The following PLAGL1 variants were observed in gnomAD, a reference collection of about 807,000 sequenced individuals.
The protein encoded by PLAGL1 is zinc finger protein PLAGL1.
PLAGL1 carries 1 observed loss-of-function variant against 4.6 expected under a neutral mutation model. The observed-to-expected ratio is 0.22, with a 90% CI of 0.08 to 1.03. The LOEUF (loss-of-function observed/expected upper bound fraction) is 1.03. Ranked by LOEUF, PLAGL1 falls within the 50% of genes least tolerant of loss-of-function variation. The pLI, the probability that PLAGL1 is intolerant of heterozygous loss-of-function variation, is 0.58. For missense variants in PLAGL1, 464 were observed against 570.4 expected, an observed-to-expected ratio of 0.81 and a Z score of 1.90; for synonymous variants, 240 against 237.8, an observed-to-expected ratio of 1.01 and a Z score of -0.08.
intron 1 of PLAGL1, among the ~76,000 whole-genome samples, chr6:144,057,853 T>A (rs1315091355): frequency 6.6e-6 from 1 of 151,436 alleles, no homozygotes; most frequent in Non-Finnish European, 1.5e-5. Context: ...CATGGACTCA[T>A]GCAAATTAAT....
rs1029684012 is a variant in PLAGL1 at position 144,000,807 on chromosome 6, A to C, written c.-584+7283T>G. Among the ~76,000 whole-genome samples the C allele has an allele frequency of 6.6e-6, 1 of 152,162 alleles. No individual in the cohort carries two copies. Among genetic ancestry groups the C allele is most frequent in the African/African-American group, 2.4e-5 (1 of 41,446 alleles). ...TGGAGAGCTAGACATTCTAAAACAAACCTTTTAATACTTGCAAAGTTCTAA... is the reference window on the plus strand; with the variant it reads ...TGGAGAGCTAGACATTCTAAAACAACCCTTTTAATACTTGCAAAGTTCTAA... On this transcript the variant is annotated intron_variant, in intron 1 of 7. Coordinates refer to ENST00000674357, the MANE Select transcript of PLAGL1 (RefSeq NM_001317162.2). This position sits in a 1 kb window ranked among gnomAD's most constrained non-coding sequence, Gnocchi z 4.1.
rs113268295 is a variant in PLAGL1 at position 143,947,323 on chromosome 6, G to C, written c.152+662C>G. Among the ~76,000 whole-genome samples the C allele has an allele frequency of 3.0e-4, 46 of 152,314 alleles. No individual in the cohort carries two copies. Among genetic ancestry groups the C allele is most frequent in the Middle Eastern group, 6.8e-3 (2 of 294 alleles). On this transcript the variant is annotated intron_variant, in intron 7 of 7. Transcript: ENST00000674357. This position sits in a 1 kb window ranked among gnomAD's most constrained non-coding sequence, Gnocchi z 4.3. Reference sequence around the variant, plus strand: ...CCCACATTTCATCCCTGGACTCTGAGAGCAGGTTTCAAATCAGCCTTCCTG... The same window carrying C: ...CCCACATTTCATCCCTGGACTCTGACAGCAGGTTTCAAATCAGCCTTCCTG...
intron 1 of PLAGL1, among the ~76,000 whole-genome samples, chr6:144,062,617 C>G (rs1184977837): frequency 8.6e-5 from 13 of 152,040 alleles, no homozygotes; most frequent in Non-Finnish European, 1.9e-4. Flanking sequence ...AGGGAGCTGC[C>G]CCTCTCTCTG....
intron 1 of PLAGL1, among the ~76,000 whole-genome samples, chr6:144,038,462 G>C (rs933667908): frequency 6.6e-6 from 1 of 152,154 alleles, no homozygotes; most frequent in South Asian, 2.1e-4. Context: ...AAGACAATGA[G>C]GTACTGGCAT....
chr6:143,992,535 C>T (rs950041653), intron 1 of PLAGL1, among the ~76,000 whole-genome samples: 4 of 152,274 alleles, frequency 2.6e-5, no homozygotes, highest in South Asian at 4.1e-4. Flanking sequence ...CTTGGTTTAG[C>T]GGTCAGCAGG....
chr6:144,017,752 G>A (rs566205573), intron 1 of PLAGL1, among the ~76,000 whole-genome samples: 2 of 152,140 alleles, frequency 1.3e-5, no homozygotes, highest in Admixed American at 6.5e-5. Context: ...TGGCAAACCC[G>A]TAGACTTCAA....
intron 1 of PLAGL1, among the ~76,000 whole-genome samples, chr6:144,047,799 T>G (rs1043119503): frequency 2.0e-5 from 3 of 152,120 alleles, no homozygotes; most frequent in African/African-American, 7.2e-5. Context: ...CCCCCAAATC[T>G]CATGTCCTCA....
In PLAGL1 at chr6:144,014,196, C is replaced by T. The variant is rs768587887; in HGVS notation, c.-150-45218G>A. Among the ~76,000 whole-genome samples the T allele has an allele frequency of 1.3e-3, 197 of 152,030 alleles. 1 individual carries two copies. The highest frequency in any genetic ancestry group is 1.8e-3 in the Non-Finnish European group (120 of 67,984). ...CCTGTATCCCAGCAATTTGGGAGGC[C>T]GAGGCGGGCAGATCATTTGAGGTCA... is the stretch of plus-strand genomic sequence containing the variant. On this transcript the variant is annotated intron_variant, in intron 1 of 3. Transcript: ENST00000437412.
chr6:143,968,433 T>C lies in PLAGL1; in HGVS notation c.-472+474A>G, dbSNP rs1018421285. ...TGTAACATACGTTACATTCTAGATATCTGATTCTAAATGGTGGACCCTACC... is the reference window on the plus strand; with the variant it reads ...TGTAACATACGTTACATTCTAGATACCTGATTCTAAATGGTGGACCCTACC... On this transcript the variant is annotated intron_variant, in intron 3 of 7. Transcript: ENST00000674357. The surrounding 1 kb of genome is among the most constrained non-coding windows in gnomAD (Gnocchi z 6.3). The C allele has an allele frequency of 1.3e-5, 2 of 152,032 alleles. No individual in the cohort carries two copies. The highest frequency in any genetic ancestry group is 2.9e-5 in the Non-Finnish European group (2 of 68,010). The allele number at this position is 152,032 out of a possible 1,614,324, so 9.4% of individuals were successfully genotyped here.
At position 143,948,764 on chromosome 6, in the gene PLAGL1, A is replaced by AAACAACAACAACAAC. The variant is rs3060705; in HGVS notation, c.-324-319_-324-305dup. ...GTGAAGCTCCATTGACCAAAGAGAA[A>AAACAACAACAACAAC]AACAACAACAACAACAACAACAACA... is the stretch of plus-strand genomic sequence containing the variant. On this transcript the variant is annotated intron_variant, in intron 6 of 7. Transcript: ENST00000674357. The surrounding 1 kb of genome is among the most constrained non-coding windows in gnomAD (Gnocchi z 6.0). Among the ~76,000 whole-genome samples the AAACAACAACAACAAC allele has an allele frequency of 1.3e-4, 14 of 107,244 alleles. 1 individual carries two copies. Among genetic ancestry groups the AAACAACAACAACAAC allele is most frequent in the African/African-American group, 5.7e-4 (14 of 24,672 alleles). The allele number at this position is 107,244 out of a possible 152,430, so 70.4% of individuals were successfully genotyped here.
chr6:144,045,058 AT>A (rs1583860875), intron 1 of PLAGL1, among the ~76,000 whole-genome samples: 1 of 74,248 alleles, frequency 1.3e-5, no homozygotes, highest in East Asian at 4.1e-4. Flanking sequence ...CCATTCCTTT[AT>A]TTTGAGCCTA....
rs375775492 is a variant in PLAGL1 at position 143,954,096 on chromosome 6, A to C, written c.-324-5636T>G. ...GCTGACCAGCCCAAGAGAAAAGAGC[A>C]AACCATAAGGACAAAGGGGGTTTCC... On this transcript the variant is annotated intron_variant, in intron 6 of 7. Coordinates refer to ENST00000674357, the MANE Select transcript of PLAGL1 (RefSeq NM_001317162.2). This position sits in a 1 kb window ranked among gnomAD's most constrained non-coding sequence, Gnocchi z 5.1. 8.5e-5 allele frequency among the ~76,000 whole-genome samples: 13 copies of C among 152,288 alleles called. No individual in the cohort carries two copies. In the East Asian group the frequency reaches 2.5e-3, roughly 29 times the overall value.
intron 1 of PLAGL1, among the ~76,000 whole-genome samples, chr6:144,062,285 G>A (rs1230191671): frequency 2.0e-5 from 3 of 151,610 alleles, no homozygotes; most frequent in Non-Finnish European, 2.9e-5. Flanking sequence ...GCTGAGGCAG[G>A]AGAATCACTT....
Position 143,942,236 on chromosome 6 carries a change from C to T in PLAGL1, c.580G>A (p.Gly194Arg). 6.2e-7 allele frequency: 1 copy of T among 1,614,122 alleles called. No homozygotes were observed. Among genetic ancestry groups the T allele is most frequent in the Non-Finnish European group, 8.5e-7 (1 of 1,180,012 alleles). ...FLCQFCAQRF[G>R]RKDHLTRHTK... ...TGCCGGGTGAGGTGATCCTTGCGCC[C>T]AAATCTCTGGGCACAGAACTGGCAC... Residue 194 changes from glycine to arginine, a missense_variant, in exon 8 of 8, where the codon GGG becomes AGG. Coordinates refer to ENST00000674357, the MANE Select transcript of PLAGL1 (RefSeq NM_001317162.2). The surrounding 1 kb of genome is among the most constrained non-coding windows in gnomAD (Gnocchi z 7.6).
rs150804370 is a variant in PLAGL1, at chr6:143,948,738, TGTG to T, written c.-324-281_-324-279del. ...TCCAGTATTATCTATTTCAGGTCAG[TGTG>T]AAGCTCCATTGACCAAAGAGAAAAA... On this transcript the variant is annotated intron_variant, in intron 6 of 7. Transcript: ENST00000674357. This position sits in a 1 kb window ranked among gnomAD's most constrained non-coding sequence, Gnocchi z 6.0. Among the ~76,000 whole-genome samples the T allele has an allele frequency of 0.013, 2,003 of 150,352 alleles. 53 individuals are homozygous for T. The highest frequency in any genetic ancestry group is 0.046 in the African/African-American group (1,859 of 40,682).
rs1463434155 is a variant in PLAGL1, at chr6:143,973,591, A to C, written c.-543-4613T>G. ...TTCTTCCTCCATCCTACAACCCTAC[A>C]AGCGATAGTCTCACTGAACAATCTG... On this transcript the variant is annotated intron_variant, in intron 2 of 7. Transcript: ENST00000674357. The surrounding 1 kb of genome is among the most constrained non-coding windows in gnomAD (Gnocchi z 6.2). 6.6e-6 allele frequency among the ~76,000 whole-genome samples: 1 copy of C among 152,112 alleles called. No individual in the cohort carries two copies. The highest frequency in any genetic ancestry group is 2.4e-5 in the African/African-American group (1 of 41,420).
At position 143,941,466 on chromosome 6, in the gene PLAGL1, A is replaced by C; in HGVS notation, c.1350T>G (p.Thr450=). The C allele has an allele frequency of 6.6e-7, 1 of 1,508,154 alleles. No homozygotes were observed. The highest frequency in any genetic ancestry group is 8.9e-7 in the Non-Finnish European group (1 of 1,128,486). 93.4% of individuals were successfully genotyped at this position (1,508,154 alleles called of 1,614,324 possible). Residue 450 remains threonine (T), a synonymous_variant, in exon 8 of 8, where the codon ACT becomes ACG. Transcript: ENST00000674357. The surrounding 1 kb of genome is among the most constrained non-coding windows in gnomAD (Gnocchi z 6.0). ...GGAAATGAGGCAGGATGGCAGAGCCAGTGCCAGCTGAGAACACATGAGGGA... is the reference window on the plus strand; with the variant it reads ...GGAAATGAGGCAGGATGGCAGAGCCCGTGCCAGCTGAGAACACATGAGGGA... ...PPIPHVFSAG[T]GSAILPHFHH...
chr6:144,024,055 G>C (rs111373062), intron 1 of PLAGL1, among the ~76,000 whole-genome samples: 1 of 152,052 alleles, frequency 6.6e-6, no homozygotes, highest in Non-Finnish European at 1.5e-5. Flanking sequence ...GAGATTACAG[G>C]CCTCAGCCAC....
Position 143,997,498 on chromosome 6 carries a change from C to T in PLAGL1, c.-584+10592G>A, listed in dbSNP as rs1039079530. Among the ~76,000 whole-genome samples, 4 of 152,132 alleles carry T rather than the reference C, an allele frequency of 2.6e-5. No homozygotes were observed. Among genetic ancestry groups the T allele is most frequent in the Admixed American group, 2.0e-4 (3 of 15,266 alleles). On this transcript the variant is annotated intron_variant, in intron 1 of 7. Transcript: ENST00000674357. This position sits in a 1 kb window ranked among gnomAD's most constrained non-coding sequence, Gnocchi z 4.6. ...AACACAGATGACTCTAAAAAATTTA[C>T]GCTGAATAAAAGCCAGACACAAAAG... is the stretch of plus-strand genomic sequence containing the variant.
Sources: allele counts gnomAD v4.1 joint callset (sites outside exome capture counted in the v4.1 genomes callset), GRCh38; gene constraint gnomAD v4.1.1; non-coding constraint Gnocchi (gnomAD v3.1); transcripts MANE v1.5; gene names NCBI Gene and HGNC (gene_info 2026-07-23, HGNC 2026-07-21).